Variants in CSMD3 observed in about 807,000 individuals in gnomAD.
CSMD3 encodes CUB and Sushi multiple domains 3.
A neutral mutation model predicts 435.2 loss-of-function variants in CSMD3; 177 were observed. That is an observed-to-expected ratio of 0.41 (90% CI 0.36 to 0.46). The LOEUF (loss-of-function observed/expected upper bound fraction) is 0.46. Ranked by LOEUF, CSMD3 falls within the 20% of genes least tolerant of loss-of-function variation. The pLI is 0.34. For synonymous variants in CSMD3, 1,656 were observed against 1,520.5 expected, an observed-to-expected ratio of 1.09 and a Z score of -2.07; for missense variants, 4,265 against 4,504.6, an observed-to-expected ratio of 0.95 and a Z score of 1.52.
At chr8:113,403,639 T>G (rs758387924) in intron 1 of CSMD3, among the ~76,000 whole-genome samples, 10 of 151,424 alleles carry the variant, frequency 6.6e-5, no homozygotes, top group African/African-American at 2.2e-4. Flanking sequence ...GCATTAGTAC[T>G]GTGAAACTCC....
At chr8:112,348,231 C>T (rs980482172) in intron 40 of CSMD3, among the ~76,000 whole-genome samples, 9 of 152,196 alleles carry the variant, frequency 5.9e-5, no homozygotes, top group African/African-American at 2.2e-4. Flanking sequence ...TTGTGTGTGT[C>T]ATCAGCAGCT....
chr8:113,166,479 T>A (rs2092151943), intron 4 of CSMD3, among the ~76,000 whole-genome samples: 2 of 152,142 alleles, frequency 1.3e-5, no homozygotes, highest in Non-Finnish European at 2.9e-5. Context: ...TACTCCAGCT[T>A]GGGCGACAAG....
intron 5 of CSMD3, among the ~76,000 whole-genome samples, chr8:113,048,052 T>C (rs1186456219): frequency 6.6e-6 from 1 of 151,778 alleles, no homozygotes; most frequent in Non-Finnish European, 1.5e-5. Flanking sequence ...TGGGACCATG[T>C]ACTGTTAGAT....
chr8:112,741,775 T>TAGAG (rs1447061938), intron 13 of CSMD3, among the ~76,000 whole-genome samples: 1 of 135,532 alleles, frequency 7.4e-6, no homozygotes, highest in Admixed American at 7.5e-5. Context: ...AGATAGATGA[T>TAGAG]AGATAGATAG....
At chr8:112,768,698 T>A (rs1169724627) in intron 13 of CSMD3, among the ~76,000 whole-genome samples, 1 of 151,874 alleles carries the variant, frequency 6.6e-6, no homozygotes, top group Non-Finnish European at 1.5e-5. Flanking sequence ...TTGCTGAATA[T>A]CTTTCATACA....
intron 3 of CSMD3, among the ~76,000 whole-genome samples, chr8:113,212,577 C>T (rs138557275): frequency 0.066 from 10,026 of 152,062 alleles, 447 homozygotes; most frequent in Non-Finnish European, 0.095. Flanking sequence ...GATGAATTCA[C>T]GTCCTTTGTA....
chr8:113,018,725 G>C, intron 6 of CSMD3: 1 of 270,230 alleles, frequency 3.7e-6, no homozygotes, highest in Middle Eastern at 1.3e-3. Flanking sequence ...GAGAAAGAGC[G>C]TACATGCAAC....
chr8:113,135,218 A>G (rs1449953995), intron 4 of CSMD3, among the ~76,000 whole-genome samples: 1 of 152,016 alleles, frequency 6.6e-6, no homozygotes, highest in Admixed American at 6.6e-5. Context: ...CTAACTTGTT[A>G]TATGTACACA....
At chr8:112,998,124 C>A (rs1008476884) in intron 6 of CSMD3, among the ~76,000 whole-genome samples, 1 of 151,646 alleles carries the variant, frequency 6.6e-6, no homozygotes, top group African/African-American at 2.4e-5. Context: ...AAACATGGAA[C>A]TCTTTCCACA....
At chr8:113,014,367 C>A (rs1202458371) in intron 6 of CSMD3, among the ~76,000 whole-genome samples, 2 of 152,052 alleles carry the variant, frequency 1.3e-5, no homozygotes, top group Non-Finnish European at 2.9e-5. Context: ...AACAGGTAAA[C>A]AGTTCCATTT....
At chr8:113,354,653 T>C (rs1208303153) in intron 1 of CSMD3, among the ~76,000 whole-genome samples, 2 of 152,212 alleles carry the variant, frequency 1.3e-5, no homozygotes, top group African/African-American at 4.8e-5. Context: ...TGTTTGTTTT[T>C]TCTTGAAACG....
intron 7 of CSMD3, among the ~76,000 whole-genome samples, chr8:112,963,464 A>C (rs748319200): frequency 4.6e-5 from 7 of 151,970 alleles, no homozygotes; most frequent in South Asian, 2.1e-4. Context: ...AACATCTCTT[A>C]ATTTTTTTAT....
intron 13 of CSMD3, among the ~76,000 whole-genome samples, chr8:112,716,053 T>C (rs1395467532): frequency 2.6e-5 from 4 of 152,142 alleles, no homozygotes; most frequent in Non-Finnish European, 5.9e-5. Context: ...TTATTCAGCA[T>C]AGTATTGGAA....
intron 66 of CSMD3, among the ~76,000 whole-genome samples, chr8:112,239,516 AT>A (rs1193578619): frequency 1.3e-5 from 2 of 152,054 alleles, no homozygotes; most frequent in Non-Finnish European, 2.9e-5. Context: ...TGAAAGATCC[AT>A]TCTGTTCCTT....
intron 58 of CSMD3, among the ~76,000 whole-genome samples, chr8:112,286,825 C>T (rs1402034393): frequency 6.6e-6 from 1 of 151,980 alleles, no homozygotes; most frequent in Non-Finnish European, 1.5e-5. Context: ...TAAATCTAAA[C>T]ATTTGCTATG....
intron 9 of CSMD3, among the ~76,000 whole-genome samples, chr8:112,946,687 T>C (rs973926612): frequency 1.3e-5 from 2 of 151,776 alleles, no homozygotes; most frequent in African/African-American, 4.8e-5. Context: ...CAGTATAACA[T>C]GTCAAAGTCT....
In CSMD3 at chr8:112,270,186, A is replaced by G. The variant is rs567017435; in HGVS notation, c.9509-4596T>C. Among the ~76,000 whole-genome samples, 12 of 152,316 alleles carry G rather than the reference A, an allele frequency of 7.9e-5. No individual in the cohort carries two copies. In the South Asian group the frequency reaches 2.5e-3, roughly 32 times the overall value. On this transcript the variant is annotated intron_variant, in intron 59 of 70. Transcript: ENST00000297405. ...AGTTTATGCTTTTACCAACATCTCT[A>G]CTATGGCCAAGCATAGGGGATTGGA...
At chr8:112,754,975 T>C (rs949169781) in intron 13 of CSMD3, among the ~76,000 whole-genome samples, 1 of 152,142 alleles carries the variant, frequency 6.6e-6, no homozygotes, top group African/African-American at 2.4e-5. Context: ...TCAAATCTTA[T>C]CTTGAATGGT....
At chr8:112,616,846 T>G (rs1376736082) in intron 22 of CSMD3, among the ~76,000 whole-genome samples, 1 of 152,282 alleles carries the variant, frequency 6.6e-6, no homozygotes, top group East Asian at 1.9e-4. Flanking sequence ...GAAATAATTC[T>G]GAATTACAGC....
Sources: allele counts gnomAD v4.1 joint callset (sites outside exome capture counted in the v4.1 genomes callset), GRCh38; gene constraint gnomAD v4.1.1; transcripts MANE v1.5; gene names NCBI Gene and HGNC (gene_info 2026-07-23, HGNC 2026-07-21).